The following HIP1R variants were observed in gnomAD, a reference collection of about 807,000 sequenced individuals.
The protein encoded by HIP1R is huntingtin-interacting protein 1-related protein.
A neutral mutation model predicts 144.2 loss-of-function variants in HIP1R; 135 were observed. That is an observed-to-expected ratio of 0.94 (90% CI 0.81 to 1.08). The LOEUF (loss-of-function observed/expected upper bound fraction) is 1.08. Among genes scored for constraint, HIP1R ranks in the 50% least tolerant of loss-of-function variants. HIP1R has a pLI of 0.00. For synonymous variants in HIP1R, 698 were observed against 612.8 expected (o/e 1.14, Z -2.05); for missense variants, 1,462 against 1,432.8 (o/e 1.02, Z -0.33).
rs199787530 is a variant in HIP1R, at chr12:122,860,703, T to G, written c.2685T>G (p.Leu895=). ...QLVEAADKVV[L]HTGKYEELIV... ...GGGAGGCAGCTGACAAGGTGGTGCT[T>G]CACACGGGCAAGTATGAGGAGCTCA... Residue 895 remains leucine (L), a synonymous_variant, in exon 28 of 32, where the codon CTT becomes CTG. Transcript: ENST00000253083. The G allele has an allele frequency of 3.0e-4, 482 of 1,613,254 alleles. 2 individuals carry two copies. In the East Asian group the frequency reaches 0.011, roughly 36 times the overall value.
chr12:122,861,546 G>C, intron 31 of HIP1R, 32 bp downstream of exon 31: 1 of 1,594,096 alleles, frequency 6.3e-7, no homozygotes, highest in Non-Finnish European at 8.5e-7. Flanking sequence ...GGGAGTTCCT[G>C]GACGGGGGTG....
chr12:122,847,885 G>A (rs1593867996), intron 1 of HIP1R, 146 bp from the exon 2 acceptor site: 1 of 643,864 alleles, frequency 1.6e-6, no homozygotes. Flanking sequence ...AGAAGCTTAG[G>A]TTGAGGGGAT....
At position 122,861,445 on chromosome 12, in the gene HIP1R, C is replaced by A; in HGVS notation, c.3090C>A (p.Pro1030=). ...TGGCCATCCGGCCCAGCACTGCCCC[C>A]CGAAGTGTAACCACCAAGAAACCAC... The part of the protein sequence containing the change: ...EEVAIRPSTA[P]RSVTTKKPPL... Residue 1030 remains proline (P), a synonymous_variant, in exon 31 of 32, where the codon CCC becomes CCA. Coordinates refer to ENST00000253083, the MANE Select transcript of HIP1R (RefSeq NM_003959.3). 5 of 1,613,504 alleles carry A rather than the reference C, an allele frequency of 3.1e-6. No individual in the cohort carries two copies. Among genetic ancestry groups the A allele is most frequent in the Non-Finnish European group, 3.4e-6 (4 of 1,179,888 alleles).
chr12:122,856,600 C>T (rs1156782442), intron 16 of HIP1R, 25 bp from the exon 17 acceptor site: 2 of 1,599,258 alleles, frequency 1.3e-6, no homozygotes, highest in Non-Finnish European at 1.7e-6. Flanking sequence ...GCCCACTGCC[C>T]CAGTGACACG....
intron 1 of HIP1R, among the ~76,000 whole-genome samples, chr12:122,842,459 C>T (rs1000558166): frequency 2.0e-5 from 3 of 152,240 alleles, no homozygotes; most frequent in Admixed American, 2.0e-4. Context: ...TTCGAGTGTT[C>T]ACCCTTCCAT....
chr12:122,835,657 G>T lies in HIP1R; in HGVS notation c.93+14G>T. Reference sequence around the variant, plus strand: ...GACAAGACCCAGGCGAGCGGGCGGCGGGCGGCGGGCGGCGGGCGGCGGCGG... The same window carrying T: ...GACAAGACCCAGGCGAGCGGGCGGCTGGCGGCGGGCGGCGGGCGGCGGCGG... On this transcript the variant is annotated intron_variant, in intron 1 of 31. Transcript: ENST00000253083. The T allele has an allele frequency of 1.0e-6, 1 of 971,076 alleles. No homozygotes were observed. Among genetic ancestry groups the T allele is most frequent in the Non-Finnish European group, 1.2e-6 (1 of 828,808 alleles). The allele number at this position is 971,076 out of a possible 1,614,324, so 60.2% of individuals were successfully genotyped here. A position where few individuals can be genotyped will look rare whatever the true frequency, so the allele number is the denominator to read the frequency against.
intron 3 of HIP1R, 84 bp from the exon 4 acceptor site, chr12:122,848,712 C>T: frequency 6.3e-7 from 1 of 1,598,284 alleles, no homozygotes; most frequent in Non-Finnish European, 8.6e-7. Context: ...GCTGTTCCTC[C>T]CGCCTCGGGT....
Position 122,861,733 on chromosome 12 carries a change from G to C in HIP1R, c.3187G>C (p.Ala1063Pro). Residue 1063 changes from alanine (A) to proline (P), a missense_variant, in exon 32 of 32, where the codon GCT becomes CCT. Ala to Pro is a conservative substitution (Grantham distance 27). Coordinates refer to ENST00000253083, the MANE Select transcript of HIP1R (RefSeq NM_003959.3). Reference sequence around the variant, plus strand: ...TGACAAAAAGGATGGCATCTACCCAGCTCAACTCGTGAACTACTAGGCCCC... The same window carrying C: ...TGACAAAAAGGATGGCATCTACCCACCTCAACTCGTGAACTACTAGGCCCC... ...QLDKKDGIYP[A>P]QLVNY is the part of the protein sequence containing the mutation. 1 of 1,614,120 alleles carries C rather than the reference G, an allele frequency of 6.2e-7. No individual in the cohort carries two copies.
chr12:122,848,266 G>A (rs900085605), intron 2 of HIP1R, among the ~76,000 whole-genome samples, 172 bp downstream of exon 2: 2 of 152,178 alleles, frequency 1.3e-5, no homozygotes, highest in African/African-American at 4.8e-5. Flanking sequence ...TCACAAAAAC[G>A]CCCCCATTGG....
Position 122,859,090 on chromosome 12 carries a change from G to T in HIP1R, c.2188G>T (p.Ala730Ser). Residue 730 changes from alanine (A) to serine (S), a missense_variant, in exon 22 of 32, where the codon GCC becomes TCC. Around this residue, in one of 2 missense-constraint regions of HIP1R, gnomAD observed 1,112 missense variants for 1,011.7 expected, o/e 1.10. Coordinates refer to ENST00000253083, the MANE Select transcript of HIP1R (RefSeq NM_003959.3). ...RLIDTCRECG[A>S]RALELMGQLQ... ...CATAGACACCTGCAGGGAGTGCGGG[G>T]CCCGGGCTCTGGAGCTCATGGGGCA... 1.2e-6 allele frequency: 2 copies of T among 1,604,018 alleles called. No individual in the cohort carries two copies. Among genetic ancestry groups the T allele is most frequent in the Middle Eastern group, 1.7e-4 (1 of 6,046 alleles).
intron 4 of HIP1R, 36 bp downstream of exon 4, chr12:122,848,888 G>C (rs2033291887): frequency 6.2e-7 from 1 of 1,606,620 alleles, no homozygotes. Context: ...CCTGGCATTC[G>C]GGGCTTTCCT....
Position 122,857,011 on chromosome 12 carries a change from C to G in HIP1R, c.1621-10C>G. 1 of 1,548,284 alleles carries G rather than the reference C, an allele frequency of 6.5e-7. No homozygotes were observed. Among genetic ancestry groups the G allele is most frequent in the Non-Finnish European group, 8.7e-7 (1 of 1,146,622 alleles). ...CTGTTCACATGCCTGGTGTCCATGT[C>G]TGTCCACAGAGCAAGTCGGAGCTGA... On this transcript the variant is annotated splice_polypyrimidine_tract_variant and intron_variant, in intron 17 of 31. Transcript: ENST00000253083.
At position 122,859,380 on chromosome 12, in the gene HIP1R, CG is replaced by C. The variant is rs3215147; in HGVS notation, c.2296-38del. 11,646 of 1,510,774 alleles carry C rather than the reference CG, an allele frequency of 7.7e-3. 697 individuals carry two copies. In the African/African-American group the frequency reaches 0.13, roughly 17 times the overall value. The allele number at this position is 1,510,774 out of a possible 1,614,324, so 93.6% of individuals were successfully genotyped here. A position where few individuals can be genotyped will look rare whatever the true frequency, so the allele number is the denominator to read the frequency against. ...CCTCTTTCCCAGGCTGCCCGTGGGA[CG>C]GGGGGGGACGGAGGCTACCCCTGTC... On this transcript the variant is annotated intron_variant, in intron 22 of 31. Coordinates refer to ENST00000253083, the MANE Select transcript of HIP1R (RefSeq NM_003959.3).
In HIP1R at chr12:122,861,182, T is replaced by C. The variant is rs2033759682; in HGVS notation, c.2942T>C (p.Met981Thr). 6.3e-7 allele frequency: 1 copy of C among 1,588,938 alleles called. No individual in the cohort carries two copies. Among genetic ancestry groups the C allele is most frequent in the Non-Finnish European group, 8.5e-7 (1 of 1,171,236 alleles). Reference sequence around the variant, plus strand: ...CTCATCAAGCTGAAGAAGCAGGAGATGGAGACCCAGGTAGGCGCCCATGGC... The same window carrying C: ...CTCATCAAGCTGAAGAAGCAGGAGACGGAGACCCAGGTAGGCGCCCATGGC... ...LSLIKLKKQE[M>T]ETQVRVLELE... Residue 981 changes from methionine (M) to threonine (T), a missense_variant, in exon 30 of 32, where the codon ATG becomes ACG. Met to Thr is a moderately conservative substitution (Grantham distance 81). Around this residue, in one of 2 missense-constraint regions of HIP1R, gnomAD observed 1,112 missense variants for 1,011.7 expected, o/e 1.10. Transcript: ENST00000253083.
upstream of HIP1R, chr12:122,834,960 G>C: frequency 7.8e-7 from 1 of 1,289,246 alleles, no homozygotes; most frequent in Non-Finnish European, 1.0e-6. Flanking sequence ...ATGGAGGCCA[G>C]ATTTTCTCCA....
chr12:122,858,092 C>T lies in HIP1R; in HGVS notation c.1816-10C>T, dbSNP rs1321493359. On this transcript the variant is annotated splice_polypyrimidine_tract_variant and intron_variant, in intron 18 of 31. Transcript: ENST00000253083. Reference sequence around the variant, plus strand: ...GATCTCTAACCTGTCCTCTTCACCCCCATTGCCAGGAGTCTCAGGAGCAGG... The same window carrying T: ...GATCTCTAACCTGTCCTCTTCACCCTCATTGCCAGGAGTCTCAGGAGCAGG... 2 of 1,566,344 alleles carry T rather than the reference C, an allele frequency of 1.3e-6. No homozygotes were observed. The highest frequency in any genetic ancestry group is 2.7e-5 in the African/African-American group (2 of 74,278).
At position 122,848,581 on chromosome 12, in the gene HIP1R, C is replaced by T. The variant is rs373819206; in HGVS notation, c.273C>T (p.His91=). 9 of 1,612,750 alleles carry T rather than the reference C, an allele frequency of 5.6e-6. No individual in the cohort carries two copies. Among genetic ancestry groups the T allele is most frequent in the Non-Finnish European group, 5.9e-6 (7 of 1,179,778 alleles). ...ILSWKFCHVL[H]KVLRDGHPNV... is the part of the protein sequence containing the mutation. Reference sequence around the variant, plus strand: ...GCTGGAAGTTCTGCCACGTCCTCCACAAGGTCCTTCGAGACGGGCACCCCA... The same window carrying T: ...GCTGGAAGTTCTGCCACGTCCTCCATAAGGTCCTTCGAGACGGGCACCCCA... Residue 91 remains histidine (H), a synonymous_variant, in exon 3 of 32, where the codon CAC becomes CAT. Coordinates refer to ENST00000253083, the MANE Select transcript of HIP1R (RefSeq NM_003959.3).
intron 7 of HIP1R, among the ~76,000 whole-genome samples, chr12:122,851,629 G>A (rs548817429): frequency 2.6e-5 from 4 of 152,052 alleles, no homozygotes; most frequent in East Asian, 1.9e-4. Context: ...GAACCTGGGC[G>A]GCGGAGATCA....
chr12:122,861,414 A>C lies in HIP1R; in HGVS notation c.3059A>C (p.Glu1020Ala). The C allele has an allele frequency of 1.2e-6, 2 of 1,613,352 alleles. No homozygotes were observed. Residue 1020 changes from glutamate (E) to alanine (A), a missense_variant, in exon 31 of 32, where the codon GAG becomes GCG. Physicochemically the swap from Glu to Ala is moderately radical, Grantham distance 107. Coordinates refer to ENST00000253083, the MANE Select transcript of HIP1R (RefSeq NM_003959.3). The stretch of plus-strand genomic sequence containing the variant: ...GCTGGGGCATCAGGCAGCCCTGGAG[A>C]GGAGGTGGCCATCCGGCCCAGCACT... ...VLAGASGSPG[E>A]EVAIRPSTAP...
Sources: allele counts gnomAD v4.1 joint callset (sites outside exome capture counted in the v4.1 genomes callset), GRCh38; gene constraint gnomAD v4.1.1; regional missense constraint gnomAD v4.1.1; transcripts MANE v1.5; gene names NCBI Gene and HGNC (gene_info 2026-07-23, HGNC 2026-07-21).